The following TRIML1 variants were observed in gnomAD, a reference collection of about 807,000 sequenced individuals.
TRIML1 encodes tripartite motif family like 1, also known as probable E3 ubiquitin-protein ligase TRIML1.
Under a neutral mutation model 32.3 loss-of-function variants are expected in TRIML1, and 34 were observed. That is an observed-to-expected ratio of 1.05 (90% confidence interval 0.80 to 1.40). The LOEUF (loss-of-function observed/expected upper bound fraction) is 1.40, where lower values mean the gene tolerates loss of function less well. TRIML1 is among the 40% of genes most tolerant of loss of function. The probability of loss-of-function intolerance (pLI) is 0.00; values close to 1 mark genes in which losing one functional copy is unlikely to be tolerated. For synonymous variants in TRIML1, 244 were observed against 226.6 expected (o/e 1.08, Z -0.69); for missense variants, 595 against 574.9 (o/e 1.03, Z -0.36).
intron 3 of TRIML1, 51 bp from the exon 4 acceptor site, chr4:188,143,787 T>C (rs1426941918): frequency 6.2e-7 from 1 of 1,610,576 alleles, no homozygotes; most frequent in Non-Finnish European, 8.5e-7. Context: ...GAATTTCGTC[T>C]GTGTTATGAT....
upstream of TRIML1, among the ~76,000 whole-genome samples, chr4:188,138,329 T>C (rs916067916): frequency 1.3e-5 from 2 of 151,994 alleles, no homozygotes; most frequent in Non-Finnish European, 2.9e-5. Flanking sequence ...CAGAAACCAA[T>C]GAACGGAACA....
upstream of TRIML1, among the ~76,000 whole-genome samples, chr4:188,137,514 G>A (rs922256221): frequency 1.7e-5 from 2 of 118,054 alleles, no homozygotes; most frequent in Non-Finnish European, 3.5e-5. Flanking sequence ...TTTCGCTTTT[G>A]TTGCCCAGGC....
downstream of TRIML1, among the ~76,000 whole-genome samples, chr4:188,148,028 G>A (rs1735153281): frequency 6.6e-6 from 1 of 152,184 alleles, no homozygotes; most frequent in Admixed American, 6.5e-5. Flanking sequence ...CCATTAATAT[G>A]TTAAAAGGTG....
At position 188,139,948 on chromosome 4, in the gene TRIML1, G is replaced by A. The variant is rs1390911056; in HGVS notation, c.390G>A (p.Glu130=). The change falls in exon 1 of 6, where the codon GAG becomes GAA. Residue 130 remains glutamate, a synonymous_variant. Coordinates refer to ENST00000332517, the MANE Select transcript of TRIML1 (RefSeq NM_178556.5). ...CAAACAGAGTGCATCTCTCCAGCGA[G>A]GCTGAGGAGCATCACAGAGTAAGAC... ...HGANRVHLSS[E]AEEHHREKLQ... The A allele has an allele frequency of 4.3e-6, 7 of 1,609,992 alleles. No individual in the cohort carries two copies. In the Admixed American group the frequency reaches 5.0e-5, roughly 12 times the overall value.
chr4:188,150,741 G>T (rs990086276), downstream of TRIML1, among the ~76,000 whole-genome samples: 3 of 151,328 alleles, frequency 2.0e-5, 1 homozygote, highest in African/African-American at 7.3e-5. Context: ...CTGCACCATT[G>T]TGTACACAGG....
chr4:188,150,232 T>C (rs190605047), downstream of TRIML1, among the ~76,000 whole-genome samples: 1 of 152,224 alleles, frequency 6.6e-6, no homozygotes, highest in African/African-American at 2.4e-5. Flanking sequence ...GTTCAAGTAA[T>C]TCTCCTGCCT....
downstream of TRIML1, among the ~76,000 whole-genome samples, chr4:188,150,756 G>A (rs1735232870): frequency 6.6e-6 from 1 of 151,396 alleles, no homozygotes; most frequent in African/African-American, 2.4e-5. Context: ...CACAGGGCCT[G>A]CCACTGATGA....
At chr4:188,148,988 A>G (rs899817036), downstream of TRIML1, among the ~76,000 whole-genome samples, 8 of 136,796 alleles carry the variant, frequency 5.8e-5, no homozygotes, top group African/African-American at 2.2e-4. Flanking sequence ...ATCTCAGCTC[A>G]CTGCAAGTTC....
intron 2 of TRIML1, among the ~76,000 whole-genome samples, chr4:188,141,459 CT>C (rs1205717081): frequency 5.3e-5 from 8 of 152,100 alleles, no homozygotes; most frequent in Non-Finnish European, 8.8e-5. Flanking sequence ...AGCCACCGTG[CT>C]TGGCCGTAGA....
rs761886564 is a variant in TRIML1 at position 188,140,529 on chromosome 4, A to G, written c.410A>G (p.Glu137Gly). 9 of 1,613,506 alleles carry G rather than the reference A, an allele frequency of 5.6e-6. No homozygotes were observed. The highest frequency in any genetic ancestry group is 1.7e-6 in the Non-Finnish European group (2 of 1,179,530). Reference protein sequence around the residue: ...LSSEAEEHHREKLQEILNLLR... With the variant: ...LSSEAEEHHRGKLQEILNLLR... The stretch of plus-strand genomic sequence containing the variant: ...AGAAAGGGTTTGTTTCTATTGCAGG[A>G]GAAACTCCAGGAAATCCTGAATCTT... Residue 137 changes from glutamate (E) to glycine (G), a missense_variant and splice_region_variant, in exon 2 of 6, where the codon GAG (glutamate) becomes GGG (glycine). By Grantham distance (98) the Glu-to-Gly change is moderately conservative. Transcript: ENST00000332517.
At position 188,147,585 on chromosome 4, in the gene TRIML1, T is replaced by A. The variant is rs1735139619; in HGVS notation, c.*213T>A. Reference sequence around the variant, plus strand: ...CCCCAATAGAAGAGAGCTGATCATATTCTGTGTCTTTAAGTAAATGTATTC... The same window carrying A: ...CCCCAATAGAAGAGAGCTGATCATAATCTGTGTCTTTAAGTAAATGTATTC... On this transcript the variant is annotated 3_prime_UTR_variant, in exon 6 of 6. Coordinates refer to ENST00000332517, the MANE Select transcript of TRIML1 (RefSeq NM_178556.5). The A allele has an allele frequency of 2.5e-6, 1 of 395,502 alleles. No individual in the cohort carries two copies. The highest frequency in any genetic ancestry group is 4.4e-5 in the Admixed American group (1 of 22,666). 24.5% of individuals were successfully genotyped at this position (395,502 alleles called of 1,614,324 possible). A position where few individuals can be genotyped will look rare whatever the true frequency, so the allele number is the denominator to read the frequency against.
chr4:188,144,641 C>T (rs968385679), intron 5 of TRIML1, among the ~76,000 whole-genome samples: 11 of 151,978 alleles, frequency 7.2e-5, no homozygotes, highest in African/African-American at 2.7e-4. Context: ...GGATTACAGG[C>T]GTGAGCCACT....
chr4:188,148,347 A>T, downstream of TRIML1, among the ~76,000 whole-genome samples: 1 of 147,120 alleles, frequency 6.8e-6, no homozygotes, highest in African/African-American at 2.5e-5. Flanking sequence ...TACAAAAATT[A>T]GCTGGGCATG....
downstream of TRIML1, among the ~76,000 whole-genome samples, chr4:188,148,974 C>T (rs1214997495): frequency 7.7e-5 from 10 of 130,092 alleles, 1 homozygote; most frequent in African/African-American, 2.1e-4. Context: ...AGTGCAGTGG[C>T]GCGATCTCAG....
chr4:188,144,563 T>G (rs7671522), intron 5 of TRIML1, among the ~76,000 whole-genome samples: 3 of 125,572 alleles, frequency 2.4e-5, no homozygotes, highest in South Asian at 2.5e-4. Flanking sequence ...GGGGTTTCAC[T>G]GTGTTAGCCA....
intron 5 of TRIML1, among the ~76,000 whole-genome samples, chr4:188,144,483 C>T (rs986755195): frequency 1.4e-5 from 2 of 140,650 alleles, no homozygotes; most frequent in Non-Finnish European, 3.2e-5. Context: ...CTGCCTCAGC[C>T]TCCCGAGTAG....
At position 188,144,074 on chromosome 4, in the gene TRIML1, C is replaced by A. The variant is rs1256033836; in HGVS notation, c.797C>A (p.Thr266Asn). The A allele has an allele frequency of 4.0e-5, 65 of 1,613,944 alleles. No homozygotes were observed. Among genetic ancestry groups the A allele is most frequent in the Middle Eastern group, 1.6e-4 (1 of 6,084 alleles). ...TTGCTTCAGTGTCCAGAGGCCACCA[C>A]CACAGAGCTGAGTCTGTGCCGCATC... ...PLLLQCPEAT[T>N]TELSLCRITG... The change falls in exon 5 of 6, where the codon ACC becomes AAC. Residue 266 changes from threonine to asparagine, a missense_variant. Coordinates refer to ENST00000332517, the MANE Select transcript of TRIML1 (RefSeq NM_178556.5).
In TRIML1 at chr4:188,146,847, A is replaced by G; in HGVS notation, c.882A>G (p.Thr294=). ...FSTEITLDPA[T]ANAYLVLSED... ...CGGAGATAACGCTGGACCCAGCCAC[A>G]GCTAATGCCTATCTCGTGTTGTCGG... is the stretch of plus-strand genomic sequence containing the variant. The change falls in exon 6 of 6, where the codon ACA becomes ACG. Residue 294 remains threonine, a synonymous_variant. Coordinates refer to ENST00000332517, the MANE Select transcript of TRIML1 (RefSeq NM_178556.5). 3.5e-6 allele frequency: 5 copies of G among 1,413,310 alleles called. No homozygotes were observed. The highest frequency in any genetic ancestry group is 4.6e-6 in the Non-Finnish European group (5 of 1,079,610). The allele number at this position is 1,413,310 out of a possible 1,614,324, so 87.5% of individuals were successfully genotyped here. A position where few individuals can be genotyped will look rare whatever the true frequency, so the allele number is the denominator to read the frequency against.
chr4:188,140,124 C>A (rs114008833), intron 1 of TRIML1, among the ~76,000 whole-genome samples, 158 bp downstream of exon 1: 4,596 of 144,842 alleles, frequency 0.032, 140 homozygotes, highest in African/African-American at 0.048. Context: ...CCTTTTTTTT[C>A]CCTTTTTTTG....
Sources: allele counts gnomAD v4.1 joint callset (sites outside exome capture counted in the v4.1 genomes callset), GRCh38; gene constraint gnomAD v4.1.1; transcripts MANE v1.5; gene names NCBI Gene and HGNC (gene_info 2026-07-23, HGNC 2026-07-21).